The following SNAI2 variants were observed in gnomAD, a reference collection of about 807,000 sequenced individuals.
SNAI2 encodes snail family transcriptional repressor 2, also known as zinc finger protein SNAI2.
A neutral mutation model predicts 22.4 loss-of-function variants in SNAI2; 2 were observed. The observed-to-expected ratio is 0.09, with a 90% CI of 0.04 to 0.28. SNAI2 has a LOEUF of 0.28. Among genes scored for constraint, SNAI2 ranks in the 10% least tolerant of loss-of-function variants. The pLI, the probability that SNAI2 is intolerant of heterozygous loss-of-function variation, is 1.00. For missense variants in SNAI2, 239 were observed against 320.8 expected (o/e 0.75, Z 1.95); for synonymous variants, 134 against 123.0 (o/e 1.09, Z -0.59).
rs1806103789 is a variant in SNAI2, at chr8:48,918,067, T to C, written c.*740A>G. On this transcript the variant is annotated 3_prime_UTR_variant, in exon 3 of 3. Transcript: ENST00000020945. ...CCTCTTTTGCACTTATTCCCATCTT[T>C]AATTAATTTTCAAAAATTATTAAAA... 1 of 152,252 alleles carries C rather than the reference T, an allele frequency of 6.6e-6. No individual in the cohort carries two copies. The allele number at this position is 152,252 out of a possible 1,614,324, so 9.4% of individuals were successfully genotyped here.
chr8:48,920,527 T>C, intron 1 of SNAI2, 86 bp from the exon 2 acceptor site: 3 of 1,209,930 alleles, frequency 2.5e-6, no homozygotes, highest in South Asian at 1.2e-5. Flanking sequence ...ACTGGAAAGA[T>C]ATTTAGCAAC....
At position 48,921,328 on chromosome 8, in the gene SNAI2, C is replaced by T. The variant is rs1474419100; in HGVS notation, c.-63G>A. 1 of 1,297,252 alleles carries T rather than the reference C, an allele frequency of 7.7e-7. No homozygotes were observed. The highest frequency in any genetic ancestry group is 1.1e-6 in the Non-Finnish European group (1 of 900,954). 80.4% of individuals were successfully genotyped at this position (1,297,252 alleles called of 1,614,324 possible). On this transcript the variant is annotated 5_prime_UTR_variant, in exon 1 of 3. Transcript: ENST00000020945. ...CGGTCCGGCGGGAGGACACGGCGGT[C>T]CCTACAGCATCGCGGCGGGCCAGGC...
rs1284203294 is a variant in SNAI2 at position 48,921,305 on chromosome 8, G to T, written c.-40C>A. 9 of 1,526,380 alleles carry T rather than the reference G, an allele frequency of 5.9e-6. No homozygotes were observed. The highest frequency in any genetic ancestry group is 8.1e-6 in the Non-Finnish European group (9 of 1,106,206). 94.6% of individuals were successfully genotyped at this position (1,526,380 alleles called of 1,614,324 possible). A position where few individuals can be genotyped will look rare whatever the true frequency, so the allele number is the denominator to read the frequency against. ...TGGCGGGCGCCCGGCGCGGATAACG[G>T]TCCGGCGGGAGGACACGGCGGTCCC... On this transcript the variant is annotated 5_prime_UTR_variant, in exon 1 of 3. Coordinates refer to ENST00000020945, the MANE Select transcript of SNAI2 (RefSeq NM_003068.5).
chr8:48,921,297 G>C lies in SNAI2; in HGVS notation c.-32C>G. ...AGCGGGTCTGGCGGGCGCCCGGCGC[G>C]GATAACGGTCCGGCGGGAGGACACG... is the stretch of plus-strand genomic sequence containing the variant. On this transcript the variant is annotated 5_prime_UTR_variant, in exon 1 of 3. Coordinates refer to ENST00000020945, the MANE Select transcript of SNAI2 (RefSeq NM_003068.5). 1.3e-6 allele frequency: 2 copies of C among 1,569,200 alleles called. No individual in the cohort carries two copies. Among genetic ancestry groups the C allele is most frequent in the Non-Finnish European group, 1.7e-6 (2 of 1,143,516 alleles).
At chr8:48,919,069 T>C (rs1391270244) in intron 2 of SNAI2, 81 bp from the exon 3 acceptor site, 2 of 1,397,322 alleles carry the variant, frequency 1.4e-6, no homozygotes, top group East Asian at 4.7e-5. Flanking sequence ...TTAACAAAAG[T>C]CAATCACATT....
Position 48,920,098 on chromosome 8 carries a change from A to C in SNAI2, c.423T>G (p.Ser141=), listed in dbSNP as rs1330028578. 1.9e-6 allele frequency: 3 copies of C among 1,614,154 alleles called. No individual in the cohort carries two copies. In the East Asian group the frequency reaches 6.7e-5, roughly 36 times the overall value. The change falls in exon 2 of 3, where the codon TCT becomes TCG. Residue 141 remains serine (S), a synonymous_variant. Coordinates refer to ENST00000020945, the MANE Select transcript of SNAI2 (RefSeq NM_003068.5). ...NLCNKTYSTF[S]GLAKHKQLHC... ...GCAGCTGCTTATGTTTGGCCAGCCC[A>C]GAAAAAGTTGAATAGGTCTTATTGC...
rs895999057 is a variant in SNAI2 at position 48,921,329 on chromosome 8, C to T, written c.-64G>A. The T allele has an allele frequency of 7.6e-5, 97 of 1,274,778 alleles. No homozygotes were observed. Among genetic ancestry groups the T allele is most frequent in the Non-Finnish European group, 9.9e-5 (87 of 880,856 alleles). 79.0% of individuals were successfully genotyped at this position (1,274,778 alleles called of 1,614,324 possible). On this transcript the variant is annotated 5_prime_UTR_variant, in exon 1 of 3. Transcript: ENST00000020945. ...GGTCCGGCGGGAGGACACGGCGGTCCCTACAGCATCGCGGCGGGCCAGGCT... is the reference window on the plus strand; with the variant it reads ...GGTCCGGCGGGAGGACACGGCGGTCTCTACAGCATCGCGGCGGGCCAGGCT...
At position 48,918,960 on chromosome 8, in the gene SNAI2, G is replaced by A; in HGVS notation, c.654C>T (p.Cys218=). The change falls in exon 3 of 3, where the codon TGC becomes TGT. Residue 218 remains cysteine, a synonymous_variant. Coordinates refer to ENST00000020945, the MANE Select transcript of SNAI2 (RefSeq NM_003068.5). ...TTGACCTGTCTGCAAATGCTCTGTT[G>A]CAGTGAGGGCAAGAAAAAGGCTTCT... The part of the protein sequence containing the change: ...TGEKPFSCPH[C]NRAFADRSNL... 1 of 1,613,968 alleles carries A rather than the reference G, an allele frequency of 6.2e-7. No homozygotes were observed. The highest frequency in any genetic ancestry group is 1.1e-5 in the South Asian group (1 of 91,070).
rs534003477 is a variant in SNAI2, at chr8:48,920,823, A to G, written c.79+364T>C. 3.3e-4 allele frequency among the ~76,000 whole-genome samples: 50 copies of G among 152,326 alleles called. No individual in the cohort carries two copies. The South Asian group carries it at 9.1e-3, about 28-fold the overall frequency. ...ATTTAGGTGTATTACGACCGTGAGT[A>G]CAAAGATATGCCTGCATCAAGCCGC... On this transcript the variant is annotated intron_variant, in intron 1 of 2. Coordinates refer to ENST00000020945, the MANE Select transcript of SNAI2 (RefSeq NM_003068.5).
At position 48,918,167 on chromosome 8, in the gene SNAI2, A is replaced by G. The variant is rs1278538153; in HGVS notation, c.*640T>C. Reference sequence around the variant, plus strand: ...TAATCTTTCCCTCCTCCCCCAAGGCACATACTGTTAATTGGCAAAAACAAA... The same window carrying G: ...TAATCTTTCCCTCCTCCCCCAAGGCGCATACTGTTAATTGGCAAAAACAAA... On this transcript the variant is annotated 3_prime_UTR_variant, in exon 3 of 3. Coordinates refer to ENST00000020945, the MANE Select transcript of SNAI2 (RefSeq NM_003068.5). 4 of 152,486 alleles carry G rather than the reference A, an allele frequency of 2.6e-5. No individual in the cohort carries two copies. Among genetic ancestry groups the G allele is most frequent in the African/African-American group, 9.6e-5 (4 of 41,466 alleles). 9.4% of individuals were successfully genotyped at this position (152,486 alleles called of 1,614,324 possible). A position where few individuals can be genotyped will look rare whatever the true frequency, so the allele number is the denominator to read the frequency against.
chr8:48,920,302 G>C lies in SNAI2; in HGVS notation c.219C>G (p.Leu73=). The change falls in exon 2 of 3, where the codon CTC becomes CTG. Residue 73 remains leucine, a synonymous_variant. Coordinates refer to ENST00000020945, the MANE Select transcript of SNAI2 (RefSeq NM_003068.5). Reference sequence around the variant, plus strand: ...ATGAGGAGTATCCGGAAAGAGGAGAGAGGCCATTGGGTAGCTGGGCGTGGA... The same window carrying C: ...ATGAGGAGTATCCGGAAAGAGGAGACAGGCCATTGGGTAGCTGGGCGTGGA... The part of the protein sequence containing the change: ...APFHAQLPNG[L]SPLSGYSSSL... 1 of 1,612,488 alleles carries C rather than the reference G, an allele frequency of 6.2e-7. No homozygotes were observed. The highest frequency in any genetic ancestry group is 8.5e-7 in the Non-Finnish European group (1 of 1,178,766).
Position 48,918,820 on chromosome 8 carries a change from C to A in SNAI2, c.794G>T (p.Cys265Phe). 6.2e-7 allele frequency: 1 copy of A among 1,614,172 alleles called. No individual in the cohort carries two copies. The highest frequency in any genetic ancestry group is 8.5e-7 in the Non-Finnish European group (1 of 1,180,020). Reference sequence around the variant, plus strand: ...TGATTGCGTCACTCAGTGTGCTACACAGCAGCCAGATTCCTCATGTTTGTG... The same window carrying A: ...TGATTGCGTCACTCAGTGTGCTACAAAGCAGCCAGATTCCTCATGTTTGTG... ...LLHKHEESGC[C>F]VAH The change falls in exon 3 of 3, where the codon TGT (cysteine) becomes TTT (phenylalanine). Residue 265 changes from cysteine to phenylalanine, a missense_variant. Coordinates refer to ENST00000020945, the MANE Select transcript of SNAI2 (RefSeq NM_003068.5).
rs767512858 is a variant in SNAI2, at chr8:48,920,086, T to C, written c.435A>G (p.Lys145=). 1.4e-5 allele frequency: 22 copies of C among 1,614,096 alleles called. No homozygotes were observed. Among genetic ancestry groups the C allele is most frequent in the Non-Finnish European group, 1.7e-5 (20 of 1,180,048 alleles). Residue 145 remains lysine (K), a synonymous_variant, in exon 2 of 3, where the codon AAA becomes AAG. Transcript: ENST00000020945. ...KTYSTFSGLA[K]HKQLHCDAQS... The stretch of plus-strand genomic sequence containing the variant: ...GGGCATCGCAGTGCAGCTGCTTATG[T>C]TTGGCCAGCCCAGAAAAAGTTGAAT...
At chr8:48,919,078 T>C (rs1806121444) in intron 2 of SNAI2, 90 bp from the exon 3 acceptor site, 1 of 1,333,766 alleles carries the variant, frequency 7.5e-7, no homozygotes, top group African/African-American at 1.4e-5. Context: ...GTCAATCACA[T>C]TTTGCTTAAA....
chr8:48,921,215 T>C lies in SNAI2; in HGVS notation c.51A>G (p.Pro17=). 6.2e-7 allele frequency: 1 copy of C among 1,613,922 alleles called. No individual in the cohort carries two copies. The highest frequency in any genetic ancestry group is 8.5e-7 in the Non-Finnish European group (1 of 1,179,962). The change falls in exon 1 of 3, where the codon CCA becomes CCG. Residue 17 remains proline (P), a synonymous_variant. Coordinates refer to ENST00000020945, the MANE Select transcript of SNAI2 (RefSeq NM_003068.5). Reference sequence around the variant, plus strand: ...TATGTGTGTCCAGTTCGCTGTAGTTTGGCTTTTTGGAGGCGTTGAAATGCT... The same window carrying C: ...TATGTGTGTCCAGTTCGCTGTAGTTCGGCTTTTTGGAGGCGTTGAAATGCT... The part of the protein sequence containing the change: ...VKKHFNASKK[P]NYSELDTHTV...
rs1047130468 is a variant in SNAI2, at chr8:48,917,685, T to C, written c.*1122A>G. 3.9e-5 allele frequency: 6 copies of C among 152,188 alleles called. No individual in the cohort carries two copies. The highest frequency in any genetic ancestry group is 7.4e-5 in the Non-Finnish European group (5 of 68,010). 9.4% of individuals were successfully genotyped at this position (152,188 alleles called of 1,614,324 possible). ...ATAATAAGCATTATTCATTTTTTTC[T>C]TGTTAACAAACAATTCTTTGTACAG... On this transcript the variant is annotated 3_prime_UTR_variant, in exon 3 of 3. Transcript: ENST00000020945.
rs781072755 is a variant in SNAI2 at position 48,918,761 on chromosome 8, G to C, written c.*46C>G. 16 of 1,605,204 alleles carry C rather than the reference G, an allele frequency of 1.0e-5. No homozygotes were observed. The highest frequency in any genetic ancestry group is 1.4e-5 in the Non-Finnish European group (16 of 1,172,150). ...TGGACTTTATTTGTCATTTGGCTTC[G>C]GAGTGAAGAAATGCATTCTGTTCGA... On this transcript the variant is annotated 3_prime_UTR_variant, in exon 3 of 3. Coordinates refer to ENST00000020945, the MANE Select transcript of SNAI2 (RefSeq NM_003068.5).
chr8:48,918,441 C>T lies in SNAI2; in HGVS notation c.*366G>A. The T allele has an allele frequency of 3.4e-6, 1 of 291,038 alleles. No individual in the cohort carries two copies. The highest frequency in any genetic ancestry group is 6.6e-6 in the Non-Finnish European group (1 of 151,218). The allele number at this position is 291,038 out of a possible 1,614,324, so 18.0% of individuals were successfully genotyped here. ...GACTCTATTACAAAGCAATACTGTT[C>T]TTTTCAGTTGAAATGATTTGGCAGC... On this transcript the variant is annotated 3_prime_UTR_variant, in exon 3 of 3. Transcript: ENST00000020945.
chr8:48,918,031 T>C lies in SNAI2; in HGVS notation c.*776A>G, dbSNP rs922630219. ...GAAATAGTTTAAGTACATTAATGAATTTGTAAGAATCCTCTTTTGCACTTA... is the reference window on the plus strand; with the variant it reads ...GAAATAGTTTAAGTACATTAATGAACTTGTAAGAATCCTCTTTTGCACTTA... On this transcript the variant is annotated 3_prime_UTR_variant, in exon 3 of 3. Coordinates refer to ENST00000020945, the MANE Select transcript of SNAI2 (RefSeq NM_003068.5). 2 of 152,234 alleles carry C rather than the reference T, an allele frequency of 1.3e-5. No individual in the cohort carries two copies. The highest frequency in any genetic ancestry group is 6.5e-5 in the Admixed American group (1 of 15,278). The allele number at this position is 152,234 out of a possible 1,614,324, so 9.4% of individuals were successfully genotyped here.
Sources: gnomAD v4.1 joint callset for allele counts (sites outside exome capture counted in the v4.1 genomes callset) on GRCh38, gnomAD v4.1.1 for gene constraint, MANE v1.5 for transcripts, NCBI Gene and HGNC (gene_info 2026-07-23, HGNC 2026-07-21) for gene names.